CD96: variants seen among roughly 807,000 people sequenced by gnomAD.
The protein encoded by CD96 is CD96 molecule, also known as T-cell surface protein tactile.
In CD96, 70 loss-of-function variants were observed where a neutral mutation model predicts 71.3. The ratio of observed to expected loss-of-function variants is 0.98; its 90% CI spans 0.81 to 1.20. The LOEUF (loss-of-function observed/expected upper bound fraction) is 1.20. Among genes scored for constraint, CD96 ranks in the 50% most tolerant of loss-of-function variants. The pLI is 0.00. For missense variants in CD96, 742 were observed against 677.5 expected (o/e 1.10, Z -1.06); for synonymous variants, 248 against 233.0 (o/e 1.06, Z -0.59).
intron 6 of CD96, 69 bp from the exon 7 acceptor site, chr3:111,600,656 TG>T: frequency 8.7e-7 from 1 of 1,146,594 alleles, no homozygotes; most frequent in Non-Finnish European, 1.3e-6. Flanking sequence ...GATCATGCCA[TG>T]CCTTGGCATT....
rs1936660434 is a variant in CD96, at chr3:111,585,346, G to A, written c.775G>A (p.Val259Met). 1 of 1,611,378 alleles carries A rather than the reference G, an allele frequency of 6.2e-7. No individual in the cohort carries two copies. Among genetic ancestry groups the A allele is most frequent in the Admixed American group, 1.7e-5 (1 of 59,988 alleles). The change falls in exon 5 of 14, where the codon GTG becomes ATG. Residue 259 changes from valine (V) to methionine (M), a missense_variant. Val to Met is a conservative substitution (Grantham distance 21). Transcript: ENST00000352690. Reference sequence around the variant, plus strand: ...AGCTAAACCAGAAATCCCTGTGATTGTGGAAAATAACTCCACGGATGTCTT... The same window carrying A: ...AGCTAAACCAGAAATCCCTGTGATTATGGAAAATAACTCCACGGATGTCTT... ...VFAKPEIPVI[V>M]ENNSTDVLVE...
intron 3 of CD96, among the ~76,000 whole-genome samples, chr3:111,573,615 T>C (rs928331626): frequency 1.4e-5 from 2 of 146,746 alleles, no homozygotes; most frequent in Admixed American, 1.3e-4. Context: ...AATAAAGAAA[T>C]TCACGATTTT....
At chr3:111,635,880 A>T (rs1476438637) in intron 10 of CD96, among the ~76,000 whole-genome samples, 1 of 152,206 alleles carries the variant, frequency 6.6e-6, no homozygotes, top group Non-Finnish European at 1.5e-5. Context: ...TGAGCAAAAA[A>T]CTACAAGGTT....
intron 10 of CD96, among the ~76,000 whole-genome samples, chr3:111,628,468 C>A (rs750162196): frequency 7.2e-5 from 11 of 151,932 alleles, no homozygotes; most frequent in Admixed American, 3.3e-4. Flanking sequence ...GACAGGCCAA[C>A]AAAAACAGAA....
At chr3:111,590,182 T>A (rs544171685) in intron 5 of CD96, among the ~76,000 whole-genome samples, 2 of 152,344 alleles carry the variant, frequency 1.3e-5, no homozygotes, top group African/African-American at 2.4e-5. Flanking sequence ...CCAGCACTTA[T>A]TAACTCTGGC....
intron 12 of CD96, among the ~76,000 whole-genome samples, chr3:111,644,775 A>C (rs150532930): frequency 0.094 from 14,262 of 152,260 alleles, 935 homozygotes; most frequent in Non-Finnish European, 0.14. Context: ...AATGCTCAAC[A>C]TCACTAATAA....
At chr3:111,635,397 A>T (rs1939279788) in intron 10 of CD96, among the ~76,000 whole-genome samples, 1 of 152,194 alleles carries the variant, frequency 6.6e-6, no homozygotes. Flanking sequence ...ATGTTTTTTA[A>T]TTTTTTAATT....
chr3:111,577,149 A>G lies in CD96; in HGVS notation c.544-1878A>G, dbSNP rs553439126. Among the ~76,000 whole-genome samples, 7 of 152,332 alleles carry G rather than the reference A, an allele frequency of 4.6e-5. No homozygotes were observed. The East Asian group carries it at 1.3e-3, about 29-fold the overall frequency. ...CAATCTGCTATATAATAAAGAAAAA[A>G]GCAGTTTTTCTCACCAGTCTCCAAC... On this transcript the variant is annotated intron_variant, in intron 3 of 13. Transcript: ENST00000352690.
At position 111,586,425 on chromosome 3, in the gene CD96, A is replaced by C. The variant is rs966051175; in HGVS notation, c.807+1047A>C. ...CTTAGATTGTTTGAGATGGTTTTGC[A>C]TAACTTGGAAAAATATCTTCCAAGT... On this transcript the variant is annotated intron_variant, in intron 5 of 13. Coordinates refer to ENST00000352690, the MANE Select transcript of CD96 (RefSeq NM_005816.5). Among the ~76,000 whole-genome samples, 4 of 152,246 alleles carry C rather than the reference A, an allele frequency of 2.6e-5. No homozygotes were observed. The South Asian group carries it at 8.3e-4, about 32-fold the overall frequency.
chr3:111,546,894 CCACACACACACACACACAGACACATA>C (rs1934424953), intron 2 of CD96, among the ~76,000 whole-genome samples: 2 of 76,136 alleles, frequency 2.6e-5, no homozygotes, highest in South Asian at 5.4e-4. Context: ...GGAAAACACA[CCACACACACACACACACAGACACATA>C]CACACACACA....
intron 3 of CD96, among the ~76,000 whole-genome samples, chr3:111,569,102 T>A (rs1288844846): frequency 6.6e-6 from 1 of 152,236 alleles, no homozygotes; most frequent in African/African-American, 2.4e-5. Flanking sequence ...TGATTATTCA[T>A]ATTACAAGCT....
At chr3:111,579,601 G>A (rs776725922) in intron 4 of CD96, 39 of 317,280 alleles carry the variant, frequency 1.2e-4, no homozygotes, top group African/African-American at 1.5e-4. Flanking sequence ...GCCTTCTTGC[G>A]GATGGGGACT....
chr3:111,609,918 G>A (rs767982789), intron 8 of CD96, among the ~76,000 whole-genome samples: 1 of 152,190 alleles, frequency 6.6e-6, no homozygotes, highest in Non-Finnish European at 1.5e-5. Flanking sequence ...GAGGGTAGGA[G>A]GGTGCTACTG....
chr3:111,585,623 T>A (rs1003409214), intron 5 of CD96, among the ~76,000 whole-genome samples: 1 of 148,242 alleles, frequency 6.7e-6, no homozygotes, highest in African/African-American at 2.6e-5. Context: ...GAAAAAAAAA[T>A]AGTCACAATT....
At chr3:111,653,388 G>C (rs1465505664), downstream of CD96, among the ~76,000 whole-genome samples, 1 of 152,130 alleles carries the variant, frequency 6.6e-6, no homozygotes, top group Non-Finnish European at 1.5e-5. Context: ...CCAGAGGTAG[G>C]CATATTTTAG....
rs549349671 is a variant in CD96, at chr3:111,566,643, A to G, written c.419-880A>G. 2.1e-3 allele frequency among the ~76,000 whole-genome samples: 327 copies of G among 152,290 alleles called. 1 individual carries two copies. Among genetic ancestry groups the G allele is most frequent in the Non-Finnish European group, 3.2e-3 (216 of 67,982 alleles). ...TTATTTGTAAACTTCTTTTGATGCT[A>G]TAGTTTAGTCACAAATTTATATGTA... On this transcript the variant is annotated intron_variant, in intron 2 of 13. Coordinates refer to ENST00000352690, the MANE Select transcript of CD96 (RefSeq NM_005816.5).
At chr3:111,620,542 G>A (rs1436633243) in intron 8 of CD96, among the ~76,000 whole-genome samples, 1 of 152,194 alleles carries the variant, frequency 6.6e-6, no homozygotes, top group Non-Finnish European at 1.5e-5. Flanking sequence ...AGGTCCCATA[G>A]TAAAGGGGTC....
chr3:111,605,495 C>A (rs1163637560), intron 7 of CD96, among the ~76,000 whole-genome samples: 1 of 152,164 alleles, frequency 6.6e-6, no homozygotes, highest in East Asian at 1.9e-4. Context: ...CATAATTAGA[C>A]TTGTGTGTCA....
chr3:111,615,906 T>A (rs907074891), intron 8 of CD96, among the ~76,000 whole-genome samples: 3 of 152,104 alleles, frequency 2.0e-5, no homozygotes, highest in African/African-American at 4.8e-5. Flanking sequence ...CCAGGATTTC[T>A]CTCATCTCAG....
Sources: gnomAD v4.1 joint callset for allele counts (sites outside exome capture counted in the v4.1 genomes callset) on GRCh38, gnomAD v4.1.1 for gene constraint, MANE v1.5 for transcripts, NCBI Gene and HGNC (gene_info 2026-07-23, HGNC 2026-07-21) for gene names.